Variants in NECTIN3 observed in about 807,000 individuals in gnomAD.
NECTIN3 encodes the protein nectin cell adhesion molecule 3.
A neutral mutation model predicts 49.4 loss-of-function variants in NECTIN3; 8 were observed. The observed-to-expected ratio is 0.16, with a 90% CI of 0.10 to 0.29. The LOEUF is 0.29. NECTIN3 is among the 10% of genes least tolerant of loss of function. The pLI, the probability that NECTIN3 is intolerant of heterozygous loss-of-function variation, is 1.00. For missense variants in NECTIN3, 581 were observed against 654.6 expected, an observed-to-expected ratio of 0.89 and a Z score of 1.23; for synonymous variants, 277 against 241.1, an observed-to-expected ratio of 1.15 and a Z score of -1.38.
intron 7 of NECTIN3, among the ~76,000 whole-genome samples, chr3:111,160,188 T>C (rs2035181168): frequency 6.6e-6 from 1 of 152,222 alleles, no homozygotes; most frequent in East Asian, 1.9e-4. Context: ...TGTACTTCTG[T>C]TAAAATTGTC....
At chr3:111,160,594 G>A (rs1436012239) in intron 7 of NECTIN3, among the ~76,000 whole-genome samples, 1 of 151,950 alleles carries the variant, frequency 6.6e-6, no homozygotes, top group East Asian at 1.9e-4. Context: ...TTAACTTTAT[G>A]TATTTTTCAC....
chr3:111,120,655 G>A (rs970666594), intron 3 of NECTIN3, among the ~76,000 whole-genome samples: 5 of 151,930 alleles, frequency 3.3e-5, no homozygotes, highest in East Asian at 1.9e-4. Flanking sequence ...GTCTTCCCTG[G>A]CAGAGGTAAA....
intron 1 of NECTIN3, among the ~76,000 whole-genome samples, chr3:111,098,847 A>G (rs2032741168): frequency 6.6e-6 from 1 of 151,818 alleles, no homozygotes; most frequent in Non-Finnish European, 1.5e-5. Context: ...TCCCAAGGTA[A>G]GGAGCATGCT....
intron 7 of NECTIN3, among the ~76,000 whole-genome samples, chr3:111,157,640 CAT>C (rs1224898314): frequency 1.3e-5 from 2 of 152,102 alleles, no homozygotes; most frequent in African/African-American, 2.4e-5. Flanking sequence ...AGGTTTGTCT[CAT>C]AGTGGGGCTG....
chr3:111,074,291 TTTAG>T (rs1166381700), intron 1 of NECTIN3: 1 of 456,122 alleles, frequency 2.2e-6, no homozygotes, highest in East Asian at 6.9e-5. Flanking sequence ...TAACTACTGT[TTTAG>T]TTAATAGAGT....
chr3:111,162,682 A>G (rs1033458520), intron 7 of NECTIN3, among the ~76,000 whole-genome samples: 23 of 152,178 alleles, frequency 1.5e-4, no homozygotes, highest in Admixed American at 1.5e-3. Flanking sequence ...CACAGCCAAC[A>G]GTGTTGTTAA....
chr3:111,135,372 T>C lies in NECTIN3; in HGVS notation c.*1157T>C, dbSNP rs896288657. The C allele has an allele frequency of 1.1e-6, 1 of 935,688 alleles. No individual in the cohort carries two copies. The highest frequency in any genetic ancestry group is 1.3e-6 in the Non-Finnish European group (1 of 784,990). The allele number at this position is 935,688 out of a possible 1,614,324, so 58.0% of individuals were successfully genotyped here. On this transcript the variant is annotated 3_prime_UTR_variant, in exon 6 of 6. Transcript: ENST00000485303. ...AGATTTCTGTTTTTACGATTAAAACTGGAAACATGAGGTTTTTTGTTTTTG... is the reference window on the plus strand; with the variant it reads ...AGATTTCTGTTTTTACGATTAAAACCGGAAACATGAGGTTTTTTGTTTTTG...
chr3:111,156,275 T>C (rs1248801987), intron 7 of NECTIN3, among the ~76,000 whole-genome samples: 1 of 152,178 alleles, frequency 6.6e-6, no homozygotes, highest in Admixed American at 6.5e-5. Context: ...TCTATTCAGA[T>C]GCCTTAAATA....
At chr3:111,167,118 A>C (rs2035334220) in intron 7 of NECTIN3, among the ~76,000 whole-genome samples, 1 of 152,212 alleles carries the variant, frequency 6.6e-6, no homozygotes, top group Non-Finnish European at 1.5e-5. Flanking sequence ...TGCATTTTGT[A>C]GCCACATTCA....
chr3:111,073,132 GGGA>G (rs1430730445), intron 1 of NECTIN3: 2 of 152,352 alleles, frequency 1.3e-5, no homozygotes, highest in South Asian at 4.1e-4. Flanking sequence ...AGTCTTTGGT[GGGA>G]GGAGGAGTAT....
At position 111,155,720 on chromosome 3, in the gene NECTIN3, T is replaced by G. The variant is rs145611376; in HGVS notation, c.1221+8236T>G. Among the ~76,000 whole-genome samples, 301 of 152,308 alleles carry G rather than the reference T, an allele frequency of 2.0e-3. 2 individuals are homozygous for G. Among genetic ancestry groups the G allele is most frequent in the Non-Finnish European group, 2.4e-3 (165 of 68,020 alleles). On this transcript the variant is annotated intron_variant, in intron 7 of 8. Transcript: ENST00000493615. ...TGGTTTTGTTGAAGTTCTTTTGATA[T>G]GTTAAAAATAGAAAATTGGTCTATA... is the stretch of plus-strand genomic sequence containing the variant.
At chr3:111,106,273 C>G (rs1057418498) in intron 1 of NECTIN3, among the ~76,000 whole-genome samples, 1 of 152,140 alleles carries the variant, frequency 6.6e-6, no homozygotes, top group African/African-American at 2.4e-5. Flanking sequence ...ATTGTTCACC[C>G]AACGCATTCT....
Position 111,137,249 on chromosome 3 carries a change from T to C in NECTIN3, c.*3034T>C, listed in dbSNP as rs921509631. ...ATGTAAAATATAAGAAAGGAATAAA[T>C]GGTACCCATTTTGAATTTTTAATTC... On this transcript the variant is annotated 3_prime_UTR_variant, in exon 6 of 6. Coordinates refer to ENST00000485303, the MANE Select transcript of NECTIN3 (RefSeq NM_015480.3). 1.1e-6 allele frequency: 1 copy of C among 937,466 alleles called. No homozygotes were observed. Among genetic ancestry groups the C allele is most frequent in the African/African-American group, 1.8e-5 (1 of 56,002 alleles). The allele number at this position is 937,466 out of a possible 1,614,324, so 58.1% of individuals were successfully genotyped here. A position where few individuals can be genotyped will look rare whatever the true frequency, so the allele number is the denominator to read the frequency against.
downstream of NECTIN3, among the ~76,000 whole-genome samples, chr3:111,142,530 A>G (rs1377618628): frequency 9.9e-5 from 15 of 151,882 alleles, no homozygotes; most frequent in Admixed American, 9.2e-4. Flanking sequence ...GATAGATTGT[A>G]ATTAAAATGT....
At position 111,089,940 on chromosome 3, in the gene NECTIN3, C is replaced by G. The variant is rs2032161722; in HGVS notation, c.160+17763C>G. Among the ~76,000 whole-genome samples the G allele has an allele frequency of 2.0e-5, 3 of 152,060 alleles. No individual in the cohort carries two copies. In the South Asian group the frequency reaches 6.2e-4, roughly 31 times the overall value. ...CCCGTGCATATTAGGTTATGAGGTG[C>G]AATCAAATTTCGAATGGTATTTTCC... On this transcript the variant is annotated intron_variant, in intron 1 of 5. Transcript: ENST00000485303.
In NECTIN3 at chr3:111,134,513, T is replaced by G. The variant is rs1160863068; in HGVS notation, c.*298T>G. The G allele has an allele frequency of 3.7e-5, 38 of 1,021,378 alleles. No homozygotes were observed. Among genetic ancestry groups the G allele is most frequent in the East Asian group, 7.6e-5 (1 of 13,238 alleles). The allele number at this position is 1,021,378 out of a possible 1,614,324, so 63.3% of individuals were successfully genotyped here. A position where few individuals can be genotyped will look rare whatever the true frequency, so the allele number is the denominator to read the frequency against. The stretch of plus-strand genomic sequence containing the variant: ...AAATGTCAACATTAAATGTATGACT[T>G]ACTTGGTACAAAAATTTTTTAAAAA... On this transcript the variant is annotated 3_prime_UTR_variant, in exon 6 of 6. Coordinates refer to ENST00000485303, the MANE Select transcript of NECTIN3 (RefSeq NM_015480.3).
intron 7 of NECTIN3, among the ~76,000 whole-genome samples, chr3:111,170,503 G>A (rs1416462421): frequency 6.6e-6 from 1 of 152,124 alleles, no homozygotes; most frequent in Non-Finnish European, 1.5e-5. Context: ...ACTTTATTCA[G>A]GACCATAGAA....
chr3:111,115,541 C>G (rs999772872), intron 2 of NECTIN3, among the ~76,000 whole-genome samples: 18 of 152,286 alleles, frequency 1.2e-4, no homozygotes, highest in South Asian at 4.1e-4. Context: ...GAATGATAGT[C>G]TGCATTTTAG....
chr3:111,073,086 T>TA (rs1363744713), intron 1 of NECTIN3: 1 of 150,344 alleles, frequency 6.7e-6, no homozygotes, highest in Non-Finnish European at 1.5e-5. Context: ...AAGTGGTAAT[T>TA]AATGGGAGGC....
Sources: gnomAD v4.1 joint callset for allele counts (sites outside exome capture counted in the v4.1 genomes callset) on GRCh38, gnomAD v4.1.1 for gene constraint, MANE v1.5 for transcripts, NCBI Gene and HGNC (gene_info 2026-07-23, HGNC 2026-07-21) for gene names.